GAPVD1: variants seen among roughly 807,000 people sequenced by gnomAD.
GAPVD1 encodes the protein GTPase-activating protein and VPS9 domain-containing protein 1.
A neutral mutation model predicts 155.5 loss-of-function variants in GAPVD1; 35 were observed. That is an observed-to-expected ratio of 0.23 (90% CI 0.17 to 0.30). The LOEUF is 0.30. Ranked by LOEUF, GAPVD1 falls within the 10% of genes least tolerant of loss-of-function variation. The pLI, the probability that GAPVD1 is intolerant of heterozygous loss-of-function variation, is 1.00. For synonymous variants in GAPVD1, 636 were observed against 619.7 expected (o/e 1.03, Z -0.39); for missense variants, 1,429 against 1,775.7 (o/e 0.80, Z 3.51).
intron 25 of GAPVD1, among the ~76,000 whole-genome samples, chr9:125,357,927 A>G (rs1458928024): frequency 6.6e-6 from 1 of 151,924 alleles, no homozygotes; most frequent in African/African-American, 2.4e-5. Context: ...GAGAGCCAAG[A>G]TCACACCACT....
At chr9:125,340,090 G>A (rs534691917) in intron 17 of GAPVD1, among the ~76,000 whole-genome samples, 5 of 152,202 alleles carry the variant, frequency 3.3e-5, no homozygotes, top group Admixed American at 1.3e-4. Context: ...GTGCGATCTC[G>A]GGTCACCGCA....
chr9:125,309,496 G>A (rs773218098), intron 8 of GAPVD1, among the ~76,000 whole-genome samples: 23 of 152,074 alleles, frequency 1.5e-4, no homozygotes, highest in African/African-American at 4.1e-4. Flanking sequence ...CACCACGCCC[G>A]GCTAATTTTT....
rs534192882 is a variant in GAPVD1 at position 125,349,580 on chromosome 9, C to T, written c.3299+61C>T. On this transcript the variant is annotated intron_variant, in intron 21 of 27. Coordinates refer to ENST00000297933, the MANE Select transcript of GAPVD1 (RefSeq NM_001282680.3). ...GGACTTTTCAGCACCATTGCAGTCA[C>T]GTCAAGTCAAGTGATGTTTTGAGTC... is the stretch of plus-strand genomic sequence containing the variant. 5.3e-5 allele frequency: 76 copies of T among 1,443,762 alleles called. No individual in the cohort carries two copies. The African/African-American group carries it at 8.3e-4, about 16-fold the overall frequency. The allele number at this position is 1,443,762 out of a possible 1,614,324, so 89.4% of individuals were successfully genotyped here.
At chr9:125,329,005 C>A (rs1023143001) in intron 12 of GAPVD1, among the ~76,000 whole-genome samples, 2 of 149,572 alleles carry the variant, frequency 1.3e-5, no homozygotes, top group African/African-American at 4.9e-5. Context: ...TGCCTGCAGT[C>A]GCAGGCACTC....
intron 9 of GAPVD1, among the ~76,000 whole-genome samples, chr9:125,314,839 G>T (rs113191671): frequency 0.01 from 1,511 of 147,814 alleles, 31 homozygotes; most frequent in African/African-American, 0.036. Context: ...CCAGGCTGGA[G>T]TGCAGTGGTG....
chr9:125,324,729 A>T lies in GAPVD1; in HGVS notation c.1858+806A>T, dbSNP rs190982354. Among the ~76,000 whole-genome samples the T allele has an allele frequency of 2.0e-4, 31 of 152,298 alleles. No homozygotes were observed. In the East Asian group the frequency reaches 5.4e-3, roughly 27 times the overall value. On this transcript the variant is annotated intron_variant, in intron 11 of 27. Transcript: ENST00000297933. Reference sequence around the variant, plus strand: ...AAGCAAGTCAAAGAGGTGGGAAGCCATAGTACTTTTTCAGGTATCAGTTAG... The same window carrying T: ...AAGCAAGTCAAAGAGGTGGGAAGCCTTAGTACTTTTTCAGGTATCAGTTAG...
intron 3 of GAPVD1, among the ~76,000 whole-genome samples, chr9:125,296,705 A>T (rs1419293967): frequency 7.6e-6 from 1 of 131,322 alleles, no homozygotes; most frequent in Admixed American, 8.8e-5. Context: ...TCTGTTGCCC[A>T]TGCTGGAGTG....
intron 19 of GAPVD1, among the ~76,000 whole-genome samples, chr9:125,343,952 A>G (rs937491088): frequency 1.3e-5 from 2 of 152,192 alleles, no homozygotes; most frequent in Admixed American, 6.5e-5. Context: ...TGTTTGTTTG[A>G]AGGAGTTATA....
chr9:125,343,690 C>T (rs1848137133), intron 19 of GAPVD1, among the ~76,000 whole-genome samples: 1 of 152,208 alleles, frequency 6.6e-6, no homozygotes, highest in Non-Finnish European at 1.5e-5. Context: ...CCATGTGACT[C>T]ATGCCAGGCA....
At chr9:125,359,824 A>C in intron 26 of GAPVD1, 1 of 233,230 alleles carries the variant, frequency 4.3e-6, no homozygotes, top group East Asian at 1.0e-4. Context: ...GGCTGATAGC[A>C]CTCCAAAGAG....
chr9:125,332,402 A>T, intron 14 of GAPVD1, 108 bp from the exon 15 acceptor site: 1 of 850,494 alleles, frequency 1.2e-6, no homozygotes, highest in Non-Finnish European at 1.9e-6. Flanking sequence ...CATGTATAGA[A>T]CTGGGACACA....
chr9:125,325,631 A>T (rs1420045787), intron 11 of GAPVD1, among the ~76,000 whole-genome samples: 6 of 152,038 alleles, frequency 3.9e-5, no homozygotes, highest in African/African-American at 1.4e-4. Context: ...CCCAAGTCTT[A>T]CTTCTAAAAA....
intron 18 of GAPVD1, 110 bp from the exon 19 acceptor site, chr9:125,342,109 A>G: frequency 1.6e-6 from 1 of 628,810 alleles, no homozygotes; most frequent in Non-Finnish European, 2.9e-6. Flanking sequence ...GGAATTTCTT[A>G]GCTTTTAAAC....
chr9:125,280,084 T>C (rs1836511446), intron 2 of GAPVD1, among the ~76,000 whole-genome samples: 1 of 150,750 alleles, frequency 6.6e-6, no homozygotes, highest in Non-Finnish European at 1.5e-5. Context: ...TTACAACTAT[T>C]TCAGGAATGT....
intron 19 of GAPVD1, among the ~76,000 whole-genome samples, chr9:125,345,338 G>A (rs1848375626): frequency 6.6e-6 from 1 of 152,062 alleles, no homozygotes; most frequent in African/African-American, 2.4e-5. Flanking sequence ...GCGCCACCAT[G>A]TCCAGCTAAT....
At chr9:125,274,530 C>T (rs1394995707) in intron 2 of GAPVD1, among the ~76,000 whole-genome samples, 1 of 145,578 alleles carries the variant, frequency 6.9e-6, no homozygotes, top group Non-Finnish European at 1.5e-5. Flanking sequence ...ATGGTGCAAT[C>T]TCGGCTCACT....
chr9:125,335,209 A>G (rs140669335), intron 15 of GAPVD1: 15 of 772,582 alleles, frequency 1.9e-5, no homozygotes, highest in Admixed American at 8.7e-5. Context: ...AACATTTTCA[A>G]CACATTGAAG....
At chr9:125,281,773 G>T (rs1254534504) in intron 2 of GAPVD1, among the ~76,000 whole-genome samples, 5 of 151,726 alleles carry the variant, frequency 3.3e-5, no homozygotes, top group African/African-American at 1.2e-4. Context: ...TAATGTATGT[G>T]TGTGGATGAA....
chr9:125,359,804 AGAAGT>A, intron 26 of GAPVD1: 1 of 267,686 alleles, frequency 3.7e-6, no homozygotes, highest in Non-Finnish European at 7.0e-6. Flanking sequence ...AATGTTTTGA[AGAAGT>A]GGGAGGCTGA....
Sources: gnomAD v4.1 joint callset for allele counts (sites outside exome capture counted in the v4.1 genomes callset) on GRCh38, gnomAD v4.1.1 for gene constraint, MANE v1.5 for transcripts, NCBI Gene and HGNC (gene_info 2026-07-23, HGNC 2026-07-21) for gene names.